The following OR52E5 variants were observed in gnomAD, a reference collection of about 807,000 sequenced individuals.
OR52E5 encodes the protein olfactory receptor family 52 subfamily E member 5, also known as olfactory receptor 52E5.
chr11:5,898,014 C>T (rs1304026724), intron 2 of OR52E5, among the ~76,000 whole-genome samples: 1 of 151,820 alleles, frequency 6.6e-6, no homozygotes, highest in Non-Finnish European at 1.5e-5. Flanking sequence ...AGGCGCACAC[C>T]ACCACACCAA....
At chr11:5,898,395 ACT>A (rs1297714158) in intron 2 of OR52E5, among the ~76,000 whole-genome samples, 1 of 151,972 alleles carries the variant, frequency 6.6e-6, no homozygotes, top group Non-Finnish European at 1.5e-5. Context: ...TTGTCTGTTT[ACT>A]CTGTGAATTG....
At chr11:5,893,526 G>C (rs982524522) in intron 1 of OR52E5, among the ~76,000 whole-genome samples, 7 of 151,916 alleles carry the variant, frequency 4.6e-5, no homozygotes, top group African/African-American at 1.7e-4. Flanking sequence ...CATTCTGAGA[G>C]TTAAAGGAAA....
In OR52E5 at chr11:5,898,110, C is replaced by T. The variant is rs550813595; in HGVS notation, c.-146+2397C>T. Among the ~76,000 whole-genome samples the T allele has an allele frequency of 3.3e-5, 5 of 152,122 alleles. No homozygotes were observed. The South Asian group carries it at 8.3e-4, about 25-fold the overall frequency. ...CTGGGCTCAAGTTATCCTCCCACCT[C>T]GGCCTCCCAAAATGCTAGGATTACA... On this transcript the variant is annotated intron_variant, in intron 2 of 2. Transcript: ENST00000610445.
At position 5,901,778 on chromosome 11, in the gene OR52E5, A is replaced by T; in HGVS notation, c.*18A>T. 1 of 400,106 alleles carries T rather than the reference A, an allele frequency of 2.5e-6. No individual in the cohort carries two copies. Among genetic ancestry groups the T allele is most frequent in the East Asian group, 3.6e-5 (1 of 28,072 alleles). 24.8% of individuals were successfully genotyped at this position (400,106 alleles called of 1,614,324 possible). ...GACAATAATGAGATCATAACAAAAT[A>T]AACACTGGAAACATTTTTTTTACTA... is the stretch of plus-strand genomic sequence containing the variant. On this transcript the variant is annotated 3_prime_UTR_variant, in exon 3 of 3. Transcript: ENST00000610445.
intron 1 of OR52E5, among the ~76,000 whole-genome samples, chr11:5,895,243 AAAATAAAATTCTTGT>A (rs139122954): frequency 0.071 from 10,885 of 152,258 alleles, 1,316 homozygotes; most frequent in African/African-American, 0.25. Flanking sequence ...AATATTTTAG[AAAATAAAATTCTTGT>A]AACAAGCACT....
chr11:5,899,766 T>C (rs933858463), intron 2 of OR52E5, among the ~76,000 whole-genome samples: 18 of 152,258 alleles, frequency 1.2e-4, no homozygotes, highest in African/African-American at 3.1e-4. Context: ...ATGTTGCAGA[T>C]TGCATCCATT....
chr11:5,898,026 C>T (rs1412397505), intron 2 of OR52E5, among the ~76,000 whole-genome samples: 2 of 151,050 alleles, frequency 1.3e-5, no homozygotes, highest in Non-Finnish European at 2.9e-5. Flanking sequence ...CCACACCAAG[C>T]TAATTTTTTT....
At chr11:5,894,583 G>C (rs1010595808) in intron 1 of OR52E5, among the ~76,000 whole-genome samples, 2 of 152,152 alleles carry the variant, frequency 1.3e-5, no homozygotes, top group South Asian at 4.1e-4. Flanking sequence ...GAAAGACATA[G>C]AGAAGAAAGC....
chr11:5,894,387 C>T (rs1190519854), intron 1 of OR52E5, among the ~76,000 whole-genome samples: 3 of 151,748 alleles, frequency 2.0e-5, no homozygotes, highest in African/African-American at 2.4e-5. Flanking sequence ...TTTTGAAAAC[C>T]GCTGATAACT....
In OR52E5 at chr11:5,901,943, C is replaced by A; in HGVS notation, c.*183C>A. 1 of 391,430 alleles carries A rather than the reference C, an allele frequency of 2.6e-6. No individual in the cohort carries two copies. The highest frequency in any genetic ancestry group is 4.5e-6 in the Non-Finnish European group (1 of 220,274). The allele number at this position is 391,430 out of a possible 1,614,324, so 24.2% of individuals were successfully genotyped here. A position where few individuals can be genotyped will look rare whatever the true frequency, so the allele number is the denominator to read the frequency against. On this transcript the variant is annotated 3_prime_UTR_variant, in exon 3 of 3. Transcript: ENST00000610445. ...TCACCCATTAAAAGTGCAAAAAGTA[C>A]TCACACTTAAGCCCCATGATACTAC...
rs80336774 is a variant in OR52E5, at chr11:5,900,754, G to A, written c.-23G>A. ...GCAAGAAAACTCATGCAAGAAATGTGTCTGTAGGGAATGGCCACCAATATG... is the reference window on the plus strand; with the variant it reads ...GCAAGAAAACTCATGCAAGAAATGTATCTGTAGGGAATGGCCACCAATATG... On this transcript the variant is annotated 5_prime_UTR_variant, in exon 3 of 3. Transcript: ENST00000610445. 0.048 allele frequency: 19,056 copies of A among 400,034 alleles called. 561 individuals are homozygous for A. The highest frequency in any genetic ancestry group is 0.1 in the Middle Eastern group (237 of 2,330). 24.8% of individuals were successfully genotyped at this position (400,034 alleles called of 1,614,324 possible).
At chr11:5,897,580 G>A (rs1847192751) in intron 2 of OR52E5, among the ~76,000 whole-genome samples, 1 of 152,166 alleles carries the variant, frequency 6.6e-6, no homozygotes, top group South Asian at 2.1e-4. Context: ...ATAGTGCTGT[G>A]ATAAGCAAAT....
intron 2 of OR52E5, among the ~76,000 whole-genome samples, chr11:5,897,948 G>C (rs988217127): frequency 3.1e-4 from 47 of 151,892 alleles, no homozygotes; most frequent in African/African-American, 1.1e-3. Flanking sequence ...CTGCAGTCTT[G>C]ACCTCCCAGG....
At position 5,902,516 on chromosome 11, in the gene OR52E5, GA is replaced by G. The variant is rs80320976; in HGVS notation, c.*759del. The G allele has an allele frequency of 9.9e-5, 15 of 152,060 alleles. No homozygotes were observed. Among genetic ancestry groups the G allele is most frequent in the Non-Finnish European group, 2.1e-4 (14 of 67,994 alleles). The allele number at this position is 152,060 out of a possible 1,614,324, so 9.4% of individuals were successfully genotyped here. ...TGGACCTCTCAGCTCTTACCTTCGT[GA>G]AAGAGACTTTCAGTCAGGAGACTAT... On this transcript the variant is annotated 3_prime_UTR_variant, in exon 3 of 3. Transcript: ENST00000610445.
Position 5,900,853 on chromosome 11 carries a change from A to G in OR52E5, c.77A>G (p.His26Arg), listed in dbSNP as rs1847239818. 2 of 401,232 alleles carry G rather than the reference A, an allele frequency of 5.0e-6. No homozygotes were observed. The highest frequency in any genetic ancestry group is 4.1e-5 in the African/African-American group (2 of 48,688). 24.9% of individuals were successfully genotyped at this position (401,232 alleles called of 1,614,324 possible). ...GGGGTCCCAGGGCTGGAAGATGTGC[A>G]TGTATGGATTGGCTTCCCCTTCTTT... ...VVGVPGLEDVHVWIGFPFFAV... is the reference protein window; with the variant it reads ...VVGVPGLEDVRVWIGFPFFAV... Residue 26 changes from histidine (H) to arginine (R), a missense_variant, in exon 3 of 3, where the codon CAT (histidine) becomes CGT (arginine). Coordinates refer to ENST00000610445, the MANE Select transcript of OR52E5 (RefSeq NM_001005166.5).
intron 2 of OR52E5, among the ~76,000 whole-genome samples, chr11:5,900,086 A>T (rs533661720): frequency 6.6e-6 from 1 of 152,336 alleles, no homozygotes; most frequent in East Asian, 1.9e-4. Context: ...ACTGCAAAGT[A>T]TCTGAGAGCA....
At chr11:5,894,119 T>C (rs1847141252) in intron 1 of OR52E5, among the ~76,000 whole-genome samples, 1 of 152,202 alleles carries the variant, frequency 6.6e-6, no homozygotes, top group Non-Finnish European at 1.5e-5. Flanking sequence ...TTGTGGATCC[T>C]GGCATTAAAA....
chr11:5,897,974 C>T (rs1339720757), intron 2 of OR52E5, among the ~76,000 whole-genome samples: 3 of 151,976 alleles, frequency 2.0e-5, no homozygotes, highest in Non-Finnish European at 4.4e-5. Flanking sequence ...GTGATCTTCT[C>T]ACCTCACCCT....
rs199598907 is a variant in OR52E5, at chr11:5,898,908, CTCTG to C, written c.-145-1720_-145-1717del. ...GCTTTGTTCTTTTTGCTTAGGATTG[CTCTG>C]TCTATTTGGGCTCTTTTTTGGTTCC... On this transcript the variant is annotated intron_variant, in intron 2 of 2. Transcript: ENST00000610445. 8.4e-3 allele frequency among the ~76,000 whole-genome samples: 1,270 copies of C among 152,084 alleles called. 5 individuals carry two copies. Among genetic ancestry groups the C allele is most frequent in the Non-Finnish European group, 0.011 (751 of 67,980 alleles).
Sources: gnomAD v4.1 joint callset for allele counts (sites outside exome capture counted in the v4.1 genomes callset) on GRCh38, gnomAD v4.1.1 for gene constraint, MANE v1.5 for transcripts, NCBI Gene and HGNC (gene_info 2026-07-23, HGNC 2026-07-21) for gene names.